BEND4: variants seen among roughly 807,000 people sequenced by gnomAD.
BEND4 encodes BEN domain containing 4.
BEND4 carries 27 observed loss-of-function variants against 54.7 expected under a neutral mutation model. That is an observed-to-expected ratio of 0.49 (90% CI 0.36 to 0.68). BEND4 has a LOEUF of 0.68. Among genes scored for constraint, BEND4 ranks in the 30% least tolerant of loss-of-function variants. The probability of loss-of-function intolerance (pLI) is 0.00; values close to 1 mark genes in which losing one functional copy is unlikely to be tolerated. For synonymous variants in BEND4, 327 were observed against 299.5 expected (o/e 1.09, Z -0.95); for missense variants, 702 against 697.2 (o/e 1.01, Z -0.08).
intron 4 of BEND4, among the ~76,000 whole-genome samples, chr4:42,120,606 C>T (rs1371291740): frequency 6.6e-6 from 1 of 152,132 alleles, no homozygotes. Context: ...TTAAATCTAA[C>T]CTGTAACTTT....
chr4:42,131,678 T>TA (rs1303230188), intron 3 of BEND4, among the ~76,000 whole-genome samples: 2 of 152,154 alleles, frequency 1.3e-5, no homozygotes, highest in African/African-American at 2.4e-5. Flanking sequence ...GTGTTATGCA[T>TA]ATTTACTGGC....
rs891408943 is a variant in BEND4, at chr4:42,113,198, T to C, written c.*4320A>G. 6.6e-6 allele frequency: 1 copy of C among 152,224 alleles called. No homozygotes were observed. The highest frequency in any genetic ancestry group is 2.4e-5 in the African/African-American group (1 of 41,470). 9.4% of individuals were successfully genotyped at this position (152,224 alleles called of 1,614,324 possible). On this transcript the variant is annotated 3_prime_UTR_variant, in exon 6 of 6. Coordinates refer to ENST00000502486, the MANE Select transcript of BEND4 (RefSeq NM_207406.4). Reference sequence around the variant, plus strand: ...TATTACATTTCTAAAAATCTGTATATATGAGCTGTCAAAAATTAACGCAGA... The same window carrying C: ...TATTACATTTCTAAAAATCTGTATACATGAGCTGTCAAAAATTAACGCAGA...
chr4:42,139,711 C>CTAA lies in BEND4; in HGVS notation c.1054+3714_1054+3716dup, dbSNP rs906057339. ...CTCCTTTTCAACCTTATTTTCTGTG[C>CTAA]TAACTGCTGAGCGTTGCGTTCTCCT... On this transcript the variant is annotated intron_variant, in intron 3 of 5. Transcript: ENST00000502486. 3.3e-5 allele frequency among the ~76,000 whole-genome samples: 5 copies of CTAA among 152,226 alleles called. No individual in the cohort carries two copies. The East Asian group carries it at 9.6e-4, about 29-fold the overall frequency.
In BEND4 at chr4:42,152,127, T is replaced by G. The variant is rs1371636273; in HGVS notation, c.17A>C (p.Gln6Pro). The change falls in exon 2 of 6, where the codon CAG becomes CCG. Residue 6 changes from glutamine to proline, a missense_variant. Transcript: ENST00000502486. ...GACGCTGGGCCCCTCCTCTGCCGGC[T>G]GCATCTCTTCCTCCATCCGGCGCCT... The part of the protein sequence containing the change: MEEEM[Q>P]PAEEGPSVPK... 8.0e-7 allele frequency: 1 copy of G among 1,244,846 alleles called. No homozygotes were observed. Among genetic ancestry groups the G allele is most frequent in the Non-Finnish European group, 1.0e-6 (1 of 985,764 alleles). The allele number at this position is 1,244,846 out of a possible 1,614,324, so 77.1% of individuals were successfully genotyped here. A position where few individuals can be genotyped will look rare whatever the true frequency, so the allele number is the denominator to read the frequency against.
At chr4:42,127,885 C>T (rs1294862077) in intron 3 of BEND4, among the ~76,000 whole-genome samples, 1 of 152,130 alleles carries the variant, frequency 6.6e-6, no homozygotes, top group Non-Finnish European at 1.5e-5. Context: ...AAGATGTTGC[C>T]AGGCATGGTG....
chr4:42,138,965 A>G (rs1474141842), intron 3 of BEND4, among the ~76,000 whole-genome samples: 1 of 152,172 alleles, frequency 6.6e-6, no homozygotes, highest in African/African-American at 2.4e-5. Flanking sequence ...CTGGCGTCTT[A>G]GATTAGATGA....
intron 3 of BEND4, among the ~76,000 whole-genome samples, chr4:42,139,793 T>C (rs1286187225): frequency 1.3e-5 from 2 of 151,774 alleles, no homozygotes; most frequent in African/African-American, 2.4e-5. Flanking sequence ...CACAGGTAGA[T>C]TCTACTAGAA....
chr4:42,123,705 A>AAACAAAACAAAAC (rs1560576039), intron 4 of BEND4, among the ~76,000 whole-genome samples: 1 of 144,908 alleles, frequency 6.9e-6, no homozygotes, highest in African/African-American at 2.8e-5. Context: ...AAAAAAAAAA[A>AAACAAAACAAAAC]AAAAAAAAAA....
chr4:42,142,705 A>T (rs1258151676), intron 3 of BEND4, among the ~76,000 whole-genome samples: 1 of 151,230 alleles, frequency 6.6e-6, no homozygotes, highest in Non-Finnish European at 1.5e-5. Flanking sequence ...TTTTCAACCC[A>T]GAGAATGTCT....
In BEND4 at chr4:42,143,593, C is replaced by A; in HGVS notation, c.889G>T (p.Ala297Ser). 1 of 1,593,676 alleles carries A rather than the reference C, an allele frequency of 6.3e-7. No individual in the cohort carries two copies. The highest frequency in any genetic ancestry group is 8.5e-7 in the Non-Finnish European group (1 of 1,169,808). Reference protein sequence around the residue: ...VHTLGGWTSPATSESHGHPSS... With the variant: ...VHTLGGWTSPSTSESHGHPSS... The stretch of plus-strand genomic sequence containing the variant: ...GGGTGGCCATGGGATTCGGACGTTG[C>A]TGGGGAAGTCCAGCCACCTAATGTA... The change falls in exon 3 of 6, where the codon GCA becomes TCA. Residue 297 changes from alanine (A) to serine (S), a missense_variant. Ala to Ser is a moderately conservative substitution (Grantham distance 99). Coordinates refer to ENST00000502486, the MANE Select transcript of BEND4 (RefSeq NM_207406.4).
intron 4 of BEND4, among the ~76,000 whole-genome samples, chr4:42,122,266 T>C (rs1410213799): frequency 1.3e-5 from 2 of 152,210 alleles, no homozygotes; most frequent in African/African-American, 4.8e-5. Flanking sequence ...GTGACTTTTC[T>C]AAACTTTGCT....
chr4:42,136,403 G>T (rs1453959070), intron 3 of BEND4, among the ~76,000 whole-genome samples: 1 of 152,234 alleles, frequency 6.6e-6, no homozygotes, highest in Non-Finnish European at 1.5e-5. Flanking sequence ...TCTCTAGTTT[G>T]TAGCCTCTGG....
chr4:42,146,989 C>G (rs1474177791), intron 2 of BEND4, among the ~76,000 whole-genome samples: 2 of 152,132 alleles, frequency 1.3e-5, no homozygotes, highest in African/African-American at 4.8e-5. Flanking sequence ...AAACTTGTAA[C>G]ATGCTGAGAA....
chr4:42,128,236 T>C (rs532016007), intron 3 of BEND4, among the ~76,000 whole-genome samples: 1 of 152,318 alleles, frequency 6.6e-6, no homozygotes, highest in South Asian at 2.1e-4. Flanking sequence ...CCACAGCCAA[T>C]ATCATACTGA....
chr4:42,135,512 C>A (rs1720666736), intron 3 of BEND4, among the ~76,000 whole-genome samples: 1 of 152,152 alleles, frequency 6.6e-6, no homozygotes, highest in Admixed American at 6.5e-5. Flanking sequence ...GTGGCTCACA[C>A]CTGTAATCCC....
chr4:42,135,479 C>T (rs1444393961), intron 3 of BEND4, among the ~76,000 whole-genome samples: 2 of 151,952 alleles, frequency 1.3e-5, no homozygotes, highest in African/African-American at 4.8e-5. Flanking sequence ...TTCAACATTC[C>T]TACAGTATTA....
chr4:42,137,519 T>G (rs575471406), intron 3 of BEND4, among the ~76,000 whole-genome samples: 1 of 152,276 alleles, frequency 6.6e-6, no homozygotes, highest in South Asian at 2.1e-4. Flanking sequence ...AATAACTCAA[T>G]GTAACAAATT....
chr4:42,148,356 A>ATT (rs1359033041), intron 2 of BEND4, among the ~76,000 whole-genome samples: 9 of 152,234 alleles, frequency 5.9e-5, no homozygotes, highest in African/African-American at 2.2e-4. Flanking sequence ...AAATTAACAG[A>ATT]TGAGTTAATA....
At chr4:42,124,191 T>C (rs950065187) in intron 4 of BEND4, among the ~76,000 whole-genome samples, 2 of 152,024 alleles carry the variant, frequency 1.3e-5, no homozygotes, top group African/African-American at 2.4e-5. Context: ...CCCATCTCTA[T>C]AAAAACTAAA....
Sources: allele counts gnomAD v4.1 joint callset (sites outside exome capture counted in the v4.1 genomes callset), GRCh38; gene constraint gnomAD v4.1.1; transcripts MANE v1.5; gene names NCBI Gene and HGNC (gene_info 2026-07-23, HGNC 2026-07-21).